The following PRTG variants were observed in gnomAD, a reference collection of about 807,000 sequenced individuals.
PRTG encodes the protein protogenin.
In PRTG, 67 loss-of-function variants were observed where a neutral mutation model predicts 122.5. The observed-to-expected ratio is 0.55, with a 90% CI of 0.45 to 0.67. The LOEUF is 0.67. Among genes scored for constraint, PRTG ranks in the 30% least tolerant of loss-of-function variants. The pLI, the probability that PRTG is intolerant of heterozygous loss-of-function variation, is 0.00. For synonymous variants in PRTG, 554 were observed against 501.1 expected (o/e 1.11, Z -1.41); for missense variants, 1,435 against 1,415.4 (o/e 1.01, Z -0.22).
chr15:55,702,669 G>A (rs2029936496), intron 2 of PRTG, among the ~76,000 whole-genome samples: 1 of 152,138 alleles, frequency 6.6e-6, no homozygotes, highest in Non-Finnish European at 1.5e-5. Flanking sequence ...AACTATTAGA[G>A]GAACAGGAGG....
chr15:55,731,489 G>A (rs2031232093), intron 2 of PRTG, among the ~76,000 whole-genome samples: 1 of 149,544 alleles, frequency 6.7e-6, no homozygotes. Flanking sequence ...TCCTGCCTCA[G>A]CCTCCCGAGT....
chr15:55,655,134 G>C (rs2059372978), intron 11 of PRTG: 2 of 152,094 alleles, frequency 1.3e-5, no homozygotes, highest in Admixed American at 1.3e-4. Flanking sequence ...ACAAGAAACA[G>C]TATGTTACAA....
chr15:55,710,598 G>T (rs1276791671), intron 2 of PRTG, among the ~76,000 whole-genome samples: 1 of 151,982 alleles, frequency 6.6e-6, no homozygotes, highest in African/African-American at 2.4e-5. Context: ...AGAATCTAAT[G>T]TTTTCTTGGT....
intron 11 of PRTG, among the ~76,000 whole-genome samples, chr15:55,642,342 T>TGCA (rs951093047): frequency 7.3e-5 from 11 of 151,038 alleles, no homozygotes; most frequent in African/African-American, 2.7e-4. Flanking sequence ...TCAGGCTGGG[T>TGCA]GCAGTGGCTC....
In PRTG at chr15:55,677,810, G is replaced by A. The variant is rs757082499; in HGVS notation, c.1368C>T (p.Tyr456=). 2 of 1,613,720 alleles carry A rather than the reference G, an allele frequency of 1.2e-6. 1 individual carries two copies. The highest frequency in any genetic ancestry group is 2.2e-5 in the South Asian group (2 of 91,070). ...AAAATCGCTTACCTTCTGCTTTCAT[G>A]TAGTGTACAGAATAGGCAATGACTT... ...SDKVIAYSVH[Y]MKAEGLNNEE... is the part of the protein sequence containing the mutation. Residue 456 remains tyrosine (Y), a synonymous_variant, in exon 8 of 20, where the codon TAC becomes TAT. Coordinates refer to ENST00000389286, the MANE Select transcript of PRTG (RefSeq NM_173814.6).
intron 9 of PRTG, among the ~76,000 whole-genome samples, chr15:55,674,375 G>C (rs2059490513): frequency 6.6e-6 from 1 of 152,132 alleles, no homozygotes; most frequent in Non-Finnish European, 1.5e-5. Flanking sequence ...TCCTTTTACA[G>C]TGTTTCCCTG....
intron 11 of PRTG, among the ~76,000 whole-genome samples, chr15:55,666,193 C>T (rs193281961): frequency 1.2e-4 from 18 of 152,296 alleles, no homozygotes; most frequent in East Asian, 3.9e-4. Context: ...GCTTTCTTCC[C>T]GGCTCACAGG....
chr15:55,734,456 G>T (rs2031345733), intron 2 of PRTG, among the ~76,000 whole-genome samples: 1 of 151,984 alleles, frequency 6.6e-6, no homozygotes. Context: ...GCTTTAAAAA[G>T]AAAATTTTCT....
chr15:55,637,679 G>A (rs1425165105), intron 14 of PRTG, among the ~76,000 whole-genome samples: 1 of 151,942 alleles, frequency 6.6e-6, no homozygotes, highest in South Asian at 2.1e-4. Flanking sequence ...CACCCCATTA[G>A]TACTGATAGT....
At chr15:55,633,313 G>A (rs916243399) in intron 15 of PRTG, among the ~76,000 whole-genome samples, 15 of 151,966 alleles carry the variant, frequency 9.9e-5, no homozygotes, top group African/African-American at 3.4e-4. Flanking sequence ...GAGTTCAAGC[G>A]ATTCTCCTGC....
chr15:55,700,129 C>T (rs1159102466), intron 2 of PRTG, among the ~76,000 whole-genome samples: 1 of 152,078 alleles, frequency 6.6e-6, no homozygotes, highest in East Asian at 1.9e-4. Context: ...TGTATATGTA[C>T]AGAAGAGTAC....
At chr15:55,634,241 A>G (rs1018895008) in intron 15 of PRTG, among the ~76,000 whole-genome samples, 2 of 150,996 alleles carry the variant, frequency 1.3e-5, no homozygotes, top group African/African-American at 4.9e-5. Flanking sequence ...CTAATTTTTT[A>G]TATTTTTAGT....
chr15:55,708,603 G>T (rs961583357), intron 2 of PRTG, among the ~76,000 whole-genome samples: 1 of 152,012 alleles, frequency 6.6e-6, no homozygotes, highest in Non-Finnish European at 1.5e-5. Context: ...GCAAGACTCC[G>T]TCTCAAAAAT....
At chr15:55,636,865 T>C (rs2059260437) in intron 15 of PRTG, among the ~76,000 whole-genome samples, 1 of 152,184 alleles carries the variant, frequency 6.6e-6, no homozygotes, top group African/African-American at 2.4e-5. Context: ...TAGGCTGGTG[T>C]TGAACTCCGG....
chr15:55,637,594 T>C (rs2059265126), intron 14 of PRTG, among the ~76,000 whole-genome samples: 1 of 152,182 alleles, frequency 6.6e-6, no homozygotes, highest in Non-Finnish European at 1.5e-5. Flanking sequence ...TTAAGGTTCC[T>C]GAAACGTTTT....
At chr15:55,635,074 G>GGTGT (rs869048936) in intron 15 of PRTG, among the ~76,000 whole-genome samples, 27 of 135,338 alleles carry the variant, frequency 2.0e-4, no homozygotes, top group African/African-American at 7.0e-4. Context: ...GTTGGTTCTG[G>GGTGT]GTGTGTGTGT....
intron 2 of PRTG, among the ~76,000 whole-genome samples, chr15:55,729,771 C>CT (rs1362308112): frequency 1.3e-5 from 2 of 152,110 alleles, no homozygotes; most frequent in Non-Finnish European, 2.9e-5. Flanking sequence ...AATCTTTTGA[C>CT]TATAAAAGAG....
chr15:55,617,639 T>A lies in PRTG; in HGVS notation c.*2373A>T, dbSNP rs571636853. 1.3e-5 allele frequency: 2 copies of A among 152,262 alleles called. No individual in the cohort carries two copies. Among genetic ancestry groups the A allele is most frequent in the South Asian group, 4.1e-4 (2 of 4,828 alleles). The allele number at this position is 152,262 out of a possible 1,614,324, so 9.4% of individuals were successfully genotyped here. On this transcript the variant is annotated 3_prime_UTR_variant, in exon 20 of 20. Coordinates refer to ENST00000389286, the MANE Select transcript of PRTG (RefSeq NM_173814.6). ...GTACTGTTAAATAATTATCAAATAG[T>A]TATAGCCTAAAGTTCTATTGTAACT...
At chr15:55,681,255 G>A (rs2059536309) in intron 4 of PRTG, 3 of 151,754 alleles carry the variant, frequency 2.0e-5, no homozygotes, top group Admixed American at 2.0e-4. Flanking sequence ...TAAAATTAAA[G>A]CATAGCATTA....
Sources: allele counts gnomAD v4.1 joint callset (sites outside exome capture counted in the v4.1 genomes callset), GRCh38; gene constraint gnomAD v4.1.1; transcripts MANE v1.5; gene names NCBI Gene and HGNC (gene_info 2026-07-23, HGNC 2026-07-21).